MIGA1: variants seen among roughly 807,000 people sequenced by gnomAD.
MIGA1 encodes mitoguardin 1.
In MIGA1, 58 loss-of-function variants were observed where a neutral mutation model predicts 82.0. The ratio of observed to expected loss-of-function variants is 0.71; its 90% CI spans 0.57 to 0.88. The LOEUF (loss-of-function observed/expected upper bound fraction) is 0.88. Among genes scored for constraint, MIGA1 ranks in the 40% least tolerant of loss-of-function variants. MIGA1 has a pLI of 0.00. For synonymous variants in MIGA1, 249 were observed against 253.6 expected, an observed-to-expected ratio of 0.98 and a Z score of 0.17; for missense variants, 751 against 749.1, an observed-to-expected ratio of 1.00 and a Z score of -0.03.
chr1:77,854,968 C>T (rs965628054), intron 8 of MIGA1, among the ~76,000 whole-genome samples: 4 of 152,094 alleles, frequency 2.6e-5, no homozygotes, highest in African/African-American at 7.2e-5. Context: ...AAATCCTTGC[C>T]TAAGCCAATG....
intron 7 of MIGA1, 29 bp downstream of exon 7, chr1:77,815,260 T>C (rs1016366401): frequency 9.2e-6 from 14 of 1,517,750 alleles, no homozygotes; most frequent in African/African-American, 4.2e-5. Flanking sequence ...ATGGCTTTTA[T>C]GAAATGTTTA....
intron 14 of MIGA1, among the ~76,000 whole-genome samples, chr1:77,867,054 A>C (rs1685697599): frequency 6.6e-6 from 1 of 152,132 alleles, no homozygotes; most frequent in African/African-American, 2.4e-5. Flanking sequence ...ATTTGATTCT[A>C]ATAGCTGCTT....
chr1:77,828,170 T>TTATG (rs1278011929), intron 7 of MIGA1, among the ~76,000 whole-genome samples: 2 of 152,250 alleles, frequency 1.3e-5, no homozygotes, highest in African/African-American at 4.8e-5. Flanking sequence ...ATCCAGTGTG[T>TTATG]TATGCTAAAC....
rs760315503 is a variant in MIGA1, at chr1:77,860,024, A to G, written c.1189-16A>G. Reference sequence around the variant, plus strand: ...TTATAGGTCTCTTTTTTCTTTGGGGATGAATATTTTTTCAGGTAATTCTTT... The same window carrying G: ...TTATAGGTCTCTTTTTTCTTTGGGGGTGAATATTTTTTCAGGTAATTCTTT... On this transcript the variant is annotated splice_polypyrimidine_tract_variant and intron_variant, in intron 10 of 15. Transcript: ENST00000370791. 2.6e-6 allele frequency: 4 copies of G among 1,557,250 alleles called. No homozygotes were observed. The South Asian group carries it at 4.6e-5, about 18-fold the overall frequency.
chr1:77,850,015 A>G (rs926719141), intron 8 of MIGA1, among the ~76,000 whole-genome samples: 4 of 151,502 alleles, frequency 2.6e-5, no homozygotes, highest in South Asian at 4.2e-4. Flanking sequence ...AGCCTGGGCA[A>G]CAGAGTGAGA....
In MIGA1 at chr1:77,791,351, C is replaced by G. The variant is rs1413446231; in HGVS notation, c.195+8000C>G. On this transcript the variant is annotated intron_variant, in intron 2 of 15. Coordinates refer to ENST00000370791, the MANE Select transcript of MIGA1 (RefSeq NM_198549.4). ...TCACTCAGCATAATGCCCTTGAGTT[C>G]CAGCAAAGCTGTTGAATGTATTACC... Among the ~76,000 whole-genome samples, 3 of 150,886 alleles carry G rather than the reference C, an allele frequency of 2.0e-5. No homozygotes were observed. In the East Asian group the frequency reaches 5.8e-4, roughly 29 times the overall value.
At chr1:77,860,527 A>G (rs1685421988) in intron 11 of MIGA1, 1 of 158,712 alleles carries the variant, frequency 6.3e-6, no homozygotes, top group South Asian at 1.9e-4. Context: ...ATGAGGCAGA[A>G]GCAATGACAA....
At chr1:77,859,104 G>T in intron 9 of MIGA1, 48 bp downstream of exon 9, 1 of 1,179,776 alleles carries the variant, frequency 8.5e-7, no homozygotes, top group African/African-American at 1.5e-5. Context: ...TAAGGTGTTT[G>T]TGTGGTACTT....
chr1:77,805,461 CTTTT>C (rs11408292), intron 4 of MIGA1, among the ~76,000 whole-genome samples: 3 of 110,408 alleles, frequency 2.7e-5, no homozygotes, highest in Non-Finnish European at 5.3e-5. Flanking sequence ...TATGCCTATT[CTTTT>C]TTTTTTTTTT....
At chr1:77,843,466 C>A in intron 8 of MIGA1, 59 bp downstream of exon 8, 3 of 1,278,140 alleles carry the variant, frequency 2.3e-6, no homozygotes, top group South Asian at 1.2e-5. Flanking sequence ...AAACAACAGT[C>A]TTGTCATTAT....
chr1:77,804,530 T>C (rs1683011558), intron 4 of MIGA1, among the ~76,000 whole-genome samples: 1 of 151,896 alleles, frequency 6.6e-6, no homozygotes, highest in African/African-American at 2.4e-5. Flanking sequence ...CTGGGCAACA[T>C]AGAGAAACTT....
At chr1:77,808,478 A>G (rs917162621) in intron 5 of MIGA1, among the ~76,000 whole-genome samples, 1 of 152,128 alleles carries the variant, frequency 6.6e-6, no homozygotes, top group Admixed American at 6.5e-5. Flanking sequence ...TGTTTTTTCT[A>G]GCTATCATTT....
At chr1:77,848,624 AAC>A (rs957915354) in intron 8 of MIGA1, 6 of 1,523,036 alleles carry the variant, frequency 3.9e-6, no homozygotes, top group Non-Finnish European at 5.4e-6. Context: ...CTGGGAGCAA[AAC>A]ACAGACTCAC....
chr1:77,845,297 T>C (rs2101896194), intron 8 of MIGA1, among the ~76,000 whole-genome samples: 1 of 152,324 alleles, frequency 6.6e-6, no homozygotes, highest in African/African-American at 2.4e-5. Context: ...GTTCATTATA[T>C]ACATATTTGT....
At chr1:77,801,558 T>C in intron 3 of MIGA1, 50 bp downstream of exon 3, 8 of 1,467,458 alleles carry the variant, frequency 5.5e-6, no homozygotes, top group Non-Finnish European at 7.2e-6. Context: ...AAATCATAAC[T>C]GGAATACAGT....
chr1:77,782,325 C>T (rs1429461740), intron 1 of MIGA1, among the ~76,000 whole-genome samples: 1 of 152,100 alleles, frequency 6.6e-6, no homozygotes, highest in East Asian at 1.9e-4. Context: ...TGAAATATTC[C>T]TCAGGACTCT....
intron 2 of MIGA1, among the ~76,000 whole-genome samples, chr1:77,796,582 T>C (rs912712628): frequency 3.7e-4 from 56 of 152,248 alleles, no homozygotes; most frequent in African/African-American, 1.3e-3. Context: ...ACCACTGCAG[T>C]TGGCCCCAGT....
At chr1:77,787,868 T>G (rs1682239805) in intron 2 of MIGA1, among the ~76,000 whole-genome samples, 1 of 150,410 alleles carries the variant, frequency 6.6e-6, no homozygotes, top group South Asian at 2.1e-4. Context: ...CAAGCTGGAG[T>G]GTAGTGGTGC....
At chr1:77,793,695 C>T (rs1026306418) in intron 2 of MIGA1, among the ~76,000 whole-genome samples, 1 of 150,580 alleles carries the variant, frequency 6.6e-6, no homozygotes, top group East Asian at 2.0e-4. Context: ...GTCTACCTGA[C>T]TTCAAGTGAT....
Sources: allele counts gnomAD v4.1 joint callset (sites outside exome capture counted in the v4.1 genomes callset), GRCh38; gene constraint gnomAD v4.1.1; transcripts MANE v1.5; gene names NCBI Gene and HGNC (gene_info 2026-07-23, HGNC 2026-07-21).